The following MAML3 variants were observed in gnomAD, a reference collection of about 807,000 sequenced individuals.
MAML3 encodes the protein mastermind like transcriptional coactivator 3, also known as mastermind-like protein 3.
In MAML3, 27 loss-of-function variants were observed where a neutral mutation model predicts 101.9. That is an observed-to-expected ratio of 0.27 (90% confidence interval 0.20 to 0.37). MAML3 has a LOEUF of 0.37. Ranked by LOEUF, MAML3 falls within the 10% of genes least tolerant of loss-of-function variation. The pLI is 1.00. For missense variants in MAML3, 1,316 were observed against 1,444.9 expected, an observed-to-expected ratio of 0.91 and a Z score of 1.45; for synonymous variants, 501 against 555.9, an observed-to-expected ratio of 0.90 and a Z score of 1.39.
rs548054985 is a variant in MAML3 at position 139,992,538 on chromosome 4, T to G, written c.469-101571A>C. On this transcript the variant is annotated intron_variant, in intron 1 of 4. Transcript: ENST00000509479. ...TATTGTGTGTCTTTTTTTGTTTTGT[T>G]TTTGTTTTTTTGAGATGGAGTCTCA... Among the ~76,000 whole-genome samples the G allele has an allele frequency of 4.8e-3, 734 of 152,296 alleles. 5 individuals are homozygous for G. Among genetic ancestry groups the G allele is most frequent in the Non-Finnish European group, 7.9e-3 (534 of 68,022 alleles).
chr4:139,845,905 A>G (rs993787312), intron 2 of MAML3, among the ~76,000 whole-genome samples: 14 of 152,218 alleles, frequency 9.2e-5, no homozygotes, highest in African/African-American at 3.4e-4. Context: ...ATCTTGAGTC[A>G]GAGTAAGGTT....
intron 2 of MAML3, among the ~76,000 whole-genome samples, chr4:139,806,280 T>C (rs1730698928): frequency 6.6e-6 from 1 of 152,084 alleles, no homozygotes; most frequent in African/African-American, 2.4e-5. Flanking sequence ...GAAAAAGAAA[T>C]ATATATCCTA....
chr4:139,847,642 G>A (rs1472871997), intron 2 of MAML3, among the ~76,000 whole-genome samples: 1 of 152,206 alleles, frequency 6.6e-6, no homozygotes, highest in Non-Finnish European at 1.5e-5. Context: ...AGTACAGGAG[G>A]TAAAATCTTC....
intron 1 of MAML3, among the ~76,000 whole-genome samples, chr4:139,928,709 G>A (rs1214030309): frequency 2.0e-5 from 3 of 152,180 alleles, no homozygotes; most frequent in African/African-American, 7.2e-5. Flanking sequence ...AGGGAAGCAC[G>A]TGGGGACAGC....
Position 139,872,212 on chromosome 4 carries a change from A to T in MAML3, c.2079+17145T>A, listed in dbSNP as rs556720310. Among the ~76,000 whole-genome samples, 52 of 151,474 alleles carry T rather than the reference A, an allele frequency of 3.4e-4. No homozygotes were observed. In the East Asian group the frequency reaches 3.5e-3, roughly 10 times the overall value. On this transcript the variant is annotated intron_variant, in intron 2 of 4. Coordinates refer to ENST00000509479, the MANE Select transcript of MAML3 (RefSeq NM_018717.5). ...GGAATCTGTATGCTGTTATTATTTT[A>T]AAAAAAATTTTTTAATCCAGCTTTT...
rs138906814 is a variant in MAML3, at chr4:140,036,829, A to C, written c.468+116031T>G. Among the ~76,000 whole-genome samples, 99 of 152,328 alleles carry C rather than the reference A, an allele frequency of 6.5e-4. No individual in the cohort carries two copies. In the Middle Eastern group the frequency reaches 0.017, roughly 26 times the overall value. ...TCCCAAAAGTTTGTCTCCTAGAGCC[A>C]ATCTTTAGAATCCAACTCTTGGTGT... On this transcript the variant is annotated intron_variant, in intron 1 of 4. Transcript: ENST00000509479.
chr4:139,892,149 A>G (rs1038148140), intron 1 of MAML3, among the ~76,000 whole-genome samples: 29 of 152,204 alleles, frequency 1.9e-4, no homozygotes, highest in Non-Finnish European at 2.9e-5. Context: ...CCTAGAGAAG[A>G]TAGTTGAAGC....
chr4:140,117,648 G>A (rs1425669514), intron 1 of MAML3, among the ~76,000 whole-genome samples: 1 of 134,430 alleles, frequency 7.4e-6, no homozygotes, highest in African/African-American at 2.5e-5. Context: ...TGTGTATACA[G>A]GTATATATAT....
chr4:140,032,465 T>C (rs914899569), intron 1 of MAML3, among the ~76,000 whole-genome samples: 1 of 152,230 alleles, frequency 6.6e-6, no homozygotes, highest in Non-Finnish European at 1.5e-5. Context: ...TAATTGGTTT[T>C]AGTAAACCAG....
At chr4:140,087,884 A>G (rs1178529965) in intron 1 of MAML3, among the ~76,000 whole-genome samples, 6 of 152,168 alleles carry the variant, frequency 3.9e-5, no homozygotes, top group African/African-American at 7.2e-5. Flanking sequence ...AGAATTCTCT[A>G]CTTCAGGAAA....
chr4:140,025,650 A>C (rs149261119), intron 1 of MAML3, among the ~76,000 whole-genome samples: 1 of 152,210 alleles, frequency 6.6e-6, no homozygotes, highest in Non-Finnish European at 1.5e-5. Flanking sequence ...AGAGACAGAC[A>C]GGAAGACAAG....
chr4:139,759,683 G>A (rs1425125420), intron 2 of MAML3, among the ~76,000 whole-genome samples: 1 of 152,158 alleles, frequency 6.6e-6, no homozygotes, highest in African/African-American at 2.4e-5. Context: ...TCTATAAGAA[G>A]TATGCATTAT....
chr4:140,027,072 A>C (rs1328930520), intron 1 of MAML3, among the ~76,000 whole-genome samples: 1 of 152,146 alleles, frequency 6.6e-6, no homozygotes, highest in Non-Finnish European at 1.5e-5. Flanking sequence ...GGAAAAAAAA[A>C]AAAGACAGGT....
At chr4:140,115,943 G>A (rs1012558212) in intron 1 of MAML3, among the ~76,000 whole-genome samples, 1 of 152,010 alleles carries the variant, frequency 6.6e-6, no homozygotes, top group Admixed American at 6.6e-5. Context: ...ACTAGTGGAA[G>A]GTGACATGGA....
chr4:139,825,477 TC>T (rs1333376135), intron 2 of MAML3, among the ~76,000 whole-genome samples: 1 of 152,174 alleles, frequency 6.6e-6, no homozygotes, highest in Non-Finnish European at 1.5e-5. Context: ...TATAAGATAG[TC>T]CCGTCTATCA....
intron 2 of MAML3, among the ~76,000 whole-genome samples, chr4:139,795,764 A>C (rs910543053): frequency 2.6e-5 from 4 of 152,146 alleles, no homozygotes; most frequent in Non-Finnish European, 1.5e-5. Context: ...AGCTGACCCC[A>C]CTTGCAACAT....
intron 1 of MAML3, among the ~76,000 whole-genome samples, chr4:140,022,121 T>A (rs55669488): frequency 0.26 from 39,609 of 151,872 alleles, 6,247 homozygotes; most frequent in Non-Finnish European, 0.36. Context: ...TTCCAGCAAG[T>A]GAGTGTGAGC....
At chr4:139,950,522 C>G (rs990601043) in intron 1 of MAML3, among the ~76,000 whole-genome samples, 1 of 152,178 alleles carries the variant, frequency 6.6e-6, no homozygotes, top group South Asian at 2.1e-4. Flanking sequence ...ACCTTTTTCA[C>G]AGGAGACCCT....
intron 1 of MAML3, among the ~76,000 whole-genome samples, chr4:140,010,852 C>A (rs982404315): frequency 3.3e-5 from 5 of 152,096 alleles, no homozygotes; most frequent in African/African-American, 1.2e-4. Context: ...CCTGTAATCC[C>A]AGCACCTTGG....
Sources: allele counts gnomAD v4.1 joint callset (sites outside exome capture counted in the v4.1 genomes callset), GRCh38; gene constraint gnomAD v4.1.1; transcripts MANE v1.5; gene names NCBI Gene and HGNC (gene_info 2026-07-23, HGNC 2026-07-21).